Variants in PRKDC observed in about 807,000 individuals in gnomAD.
The protein encoded by PRKDC is protein kinase, DNA-activated, catalytic subunit, also known as DNA-dependent protein kinase catalytic subunit.
A neutral mutation model predicts 486.9 loss-of-function variants in PRKDC; 82 were observed. The ratio of observed to expected loss-of-function variants is 0.17; its 90% confidence interval spans 0.14 to 0.20. The LOEUF (loss-of-function observed/expected upper bound fraction) is 0.20, where lower values mean the gene tolerates loss of function less well. Ranked by LOEUF, PRKDC falls within the 10% of genes least tolerant of loss-of-function variation. PRKDC has a pLI of 1.00. For synonymous variants in PRKDC, 1,895 were observed against 1,837.0 expected (o/e 1.03, Z -0.81); for missense variants, 4,504 against 5,038.2 (o/e 0.89, Z 3.21).
intron 51 of PRKDC, among the ~76,000 whole-genome samples, chr8:47,853,251 T>C (rs1400305452): frequency 6.6e-6 from 1 of 152,196 alleles, no homozygotes; most frequent in Non-Finnish European, 1.5e-5. Context: ...TATCCCAGTG[T>C]AGAAGCCAAA....
chr8:47,864,273 C>T (rs974947645), intron 41 of PRKDC, among the ~76,000 whole-genome samples: 1 of 152,180 alleles, frequency 6.6e-6, no homozygotes, highest in Non-Finnish European at 1.5e-5. Flanking sequence ...AACAGCTCTT[C>T]CCTGAGTTCC....
intron 38 of PRKDC, among the ~76,000 whole-genome samples, chr8:47,880,493 C>T (rs1417998670): frequency 6.6e-6 from 1 of 152,068 alleles, no homozygotes; most frequent in East Asian, 1.9e-4. Flanking sequence ...AGAATTATCC[C>T]CTTTATCCAG....
intron 36 of PRKDC, 134 bp from the exon 37 acceptor site, chr8:47,882,231 A>G (rs1460210504): frequency 9.6e-6 from 8 of 835,004 alleles, no homozygotes; most frequent in Non-Finnish European, 1.4e-5. Context: ...ATCTACTTCA[A>G]AACTCCTCGA....
At chr8:47,953,318 A>G (rs916517295) in intron 7 of PRKDC, among the ~76,000 whole-genome samples, 2 of 152,198 alleles carry the variant, frequency 1.3e-5, no homozygotes, top group African/African-American at 4.8e-5. Context: ...AAAAAAATAA[A>G]TAAAATTTTA....
At chr8:47,919,830 G>A (rs765526169) in intron 21 of PRKDC, among the ~76,000 whole-genome samples, 2 of 151,874 alleles carry the variant, frequency 1.3e-5, no homozygotes, top group Non-Finnish European at 2.9e-5. Flanking sequence ...GTCTGTTGGG[G>A]AACAGGCCCC....
intron 49 of PRKDC, 43 bp from the exon 50 acceptor site, chr8:47,855,416 T>C (rs987674881): frequency 6.7e-7 from 1 of 1,499,676 alleles, no homozygotes; most frequent in African/African-American, 1.4e-5. Flanking sequence ...CGGCATTCCA[T>C]TCTGGAAAGC....
At chr8:47,843,734 C>T (rs1362485369) in intron 54 of PRKDC, among the ~76,000 whole-genome samples, 2 of 152,114 alleles carry the variant, frequency 1.3e-5, no homozygotes, top group Non-Finnish European at 1.5e-5. Context: ...GAGACTGGGG[C>T]CTATTTTCAG....
chr8:47,869,686 C>T (rs1188252829), intron 40 of PRKDC, among the ~76,000 whole-genome samples: 1 of 152,028 alleles, frequency 6.6e-6, no homozygotes, highest in Non-Finnish European at 1.5e-5. Flanking sequence ...TGCCTTGCAA[C>T]ATGGGCACCA....
chr8:47,830,734 T>C lies in PRKDC; in HGVS notation c.8268A>G (p.Glu2756=). 1 of 1,613,882 alleles carries C rather than the reference T, an allele frequency of 6.2e-7. No individual in the cohort carries two copies. Among genetic ancestry groups the C allele is most frequent in the Non-Finnish European group, 8.5e-7 (1 of 1,179,878 alleles). ...GCTTCATTTTTAACTCACTCTTGAT[T>C]TCCTATAAGCACCAGAACCAAAGAA... is the stretch of plus-strand genomic sequence containing the variant. ...KGVAEQKREK[E]IKSELKMKQD... The change falls in exon 61 of 86, where the codon GAA becomes GAG. Residue 2756 remains glutamate, a splice_region_variant and synonymous_variant. Coordinates refer to ENST00000314191, the MANE Select transcript of PRKDC (RefSeq NM_006904.7).
intron 40 of PRKDC, among the ~76,000 whole-genome samples, chr8:47,868,576 T>C (rs1168157197): frequency 6.6e-6 from 1 of 151,782 alleles, no homozygotes; most frequent in Non-Finnish European, 1.5e-5. Flanking sequence ...AAATAATAAA[T>C]GAATGAATGA....
chr8:47,864,125 T>C (rs2088745225), intron 41 of PRKDC, among the ~76,000 whole-genome samples: 1 of 152,100 alleles, frequency 6.6e-6, no homozygotes, highest in Non-Finnish European at 1.5e-5. Flanking sequence ...AGGCCATAAA[T>C]GAAATCACAG....
intron 69 of PRKDC, 129 bp downstream of exon 69, chr8:47,807,007 TA>T: frequency 1.0e-6 from 1 of 977,828 alleles, no homozygotes; most frequent in Non-Finnish European, 1.4e-6. Context: ...AGTTTACTTA[TA>T]AAGAGAGAAA....
intron 7 of PRKDC, among the ~76,000 whole-genome samples, chr8:47,946,528 C>A (rs1301196004): frequency 2.0e-5 from 3 of 152,136 alleles, no homozygotes; most frequent in South Asian, 2.1e-4. Context: ...CTCCTCCTCC[C>A]CAAACTCCAC....
In PRKDC at chr8:47,902,701, G is replaced by A; in HGVS notation, c.3137C>T (p.Pro1046Leu). The change falls in exon 27 of 86, where the codon CCA becomes CTA. Residue 1046 changes from proline to leucine, a missense_variant. Transcript: ENST00000314191. ...FLKWSIKQIT[P>L]QQQEKSPVNT... is the part of the protein sequence containing the mutation. ...TACTGGACTCTTCTCCTGCTGCTGT[G>A]GTGTTATTTGCTTAATGGACCATTT... 1 of 1,613,820 alleles carries A rather than the reference G, an allele frequency of 6.2e-7. No individual in the cohort carries two copies. Among genetic ancestry groups the A allele is most frequent in the Non-Finnish European group, 8.5e-7 (1 of 1,179,814 alleles).
chr8:47,927,172 T>C, intron 21 of PRKDC, 22 bp downstream of exon 21: 2 of 1,606,858 alleles, frequency 1.2e-6, no homozygotes. Flanking sequence ...ACAATACACA[T>C]CACAATTCTT....
At position 47,956,092 on chromosome 8, in the gene PRKDC, G is replaced by A. The variant is rs2090695697; in HGVS notation, c.325-144C>T. 9.0e-6 allele frequency: 6 copies of A among 663,208 alleles called. No homozygotes were observed. The East Asian group carries it at 1.7e-4, about 19-fold the overall frequency. The allele number at this position is 663,208 out of a possible 1,614,324, so 41.1% of individuals were successfully genotyped here. ...AAAATATAACATTAGGCCGGGCATA[G>A]TGGCTCATGCCTATAATCCCAACAC... is the stretch of plus-strand genomic sequence containing the variant. On this transcript the variant is annotated intron_variant, in intron 3 of 85. Coordinates refer to ENST00000314191, the MANE Select transcript of PRKDC (RefSeq NM_006904.7).
intron 16 of PRKDC, among the ~76,000 whole-genome samples, chr8:47,931,355 G>T (rs953260293): frequency 2.0e-5 from 3 of 152,124 alleles, no homozygotes; most frequent in African/African-American, 7.2e-5. Flanking sequence ...GTGCTAACAG[G>T]TGGTCATTGA....
chr8:47,784,124 G>C (rs1314835908), intron 77 of PRKDC: 1 of 254,260 alleles, frequency 3.9e-6, no homozygotes, highest in Non-Finnish European at 7.8e-6. Context: ...CGGGTGTGGT[G>C]GTGGGCGCCT....
intron 85 of PRKDC, among the ~76,000 whole-genome samples, chr8:47,775,188 AAAAT>A (rs8178263): frequency 1.7e-3 from 259 of 150,906 alleles, no homozygotes; most frequent in African/African-American, 3.7e-3. Context: ...CTTTGTCTCA[AAAAT>A]AAATAAATAA....
Sources: gnomAD v4.1 joint callset for allele counts (sites outside exome capture counted in the v4.1 genomes callset) on GRCh38, gnomAD v4.1.1 for gene constraint, MANE v1.5 for transcripts, NCBI Gene and HGNC (gene_info 2026-07-23, HGNC 2026-07-21) for gene names.